The following NCEH1 variants were observed in gnomAD, a reference collection of about 807,000 sequenced individuals.
NCEH1 encodes neutral cholesterol ester hydrolase 1, also known as 2-acetyl MAGE hydrolase.
Under a neutral mutation model 25.4 loss-of-function variants are expected in NCEH1, and 9 were observed. The observed-to-expected ratio is 0.35, with a 90% CI of 0.21 to 0.62. The LOEUF is 0.62. Ranked by LOEUF, NCEH1 falls within the 20% of genes least tolerant of loss-of-function variation. The pLI is 0.72. For synonymous variants in NCEH1, 200 were observed against 199.8 expected (o/e 1.00, Z -0.01); for missense variants, 412 against 501.1 (o/e 0.82, Z 1.70).
chr3:172,658,377 T>C (rs979504748), intron 1 of NCEH1, among the ~76,000 whole-genome samples: 12 of 152,236 alleles, frequency 7.9e-5, no homozygotes, highest in Non-Finnish European at 1.0e-4. Flanking sequence ...CCTGTACCTG[T>C]CCTTCTTCCC....
intron 3 of NCEH1, among the ~76,000 whole-genome samples, chr3:172,642,898 G>C (rs1411403964): frequency 6.6e-6 from 1 of 152,140 alleles, no homozygotes. Flanking sequence ...CGTGATTTCT[G>C]TTTCCAGGAG....
chr3:172,696,205 C>T (rs768230698), intron 1 of NCEH1, among the ~76,000 whole-genome samples: 5 of 152,062 alleles, frequency 3.3e-5, no homozygotes, highest in South Asian at 2.1e-4. Context: ...GAAACTAACA[C>T]AGATGTTAAA....
chr3:172,650,366 G>A (rs1380896848), intron 1 of NCEH1, among the ~76,000 whole-genome samples: 6 of 152,036 alleles, frequency 3.9e-5, no homozygotes, highest in African/African-American at 1.4e-4. Context: ...AGCTGGGACC[G>A]GGTGCGGTGG....
At chr3:172,699,913 C>A (rs1481176267) in intron 1 of NCEH1, among the ~76,000 whole-genome samples, 1 of 152,150 alleles carries the variant, frequency 6.6e-6, no homozygotes, top group African/African-American at 2.4e-5. Flanking sequence ...ATAGCAGTCC[C>A]TGCTACTCTC....
intron 2 of NCEH1, among the ~76,000 whole-genome samples, chr3:172,647,021 G>GA (rs1158702509): frequency 6.6e-5 from 10 of 150,944 alleles, no homozygotes; most frequent in African/African-American, 1.2e-4. Flanking sequence ...TTGAAAATGT[G>GA]AAAAAAAATC....
At chr3:172,664,795 T>C (rs970023436) in intron 1 of NCEH1, among the ~76,000 whole-genome samples, 2 of 152,150 alleles carry the variant, frequency 1.3e-5, no homozygotes, top group Non-Finnish European at 2.9e-5. Context: ...CGTGCCATGG[T>C]TTTCAGCTCC....
intron 1 of NCEH1, among the ~76,000 whole-genome samples, chr3:172,649,745 AC>A (rs747194442): frequency 4.6e-5 from 7 of 152,262 alleles, no homozygotes; most frequent in Non-Finnish European, 8.8e-5. Flanking sequence ...ACCCTTGTTA[AC>A]ACCATTATCA....
intron 1 of NCEH1, among the ~76,000 whole-genome samples, chr3:172,664,810 G>C (rs887895321): frequency 1.3e-5 from 2 of 152,078 alleles, no homozygotes; most frequent in African/African-American, 4.8e-5. Flanking sequence ...AGCTCCATCA[G>C]GTCATTTAAG....
At chr3:172,690,057 C>T (rs898423584) in intron 1 of NCEH1, among the ~76,000 whole-genome samples, 19 of 151,768 alleles carry the variant, frequency 1.3e-4, no homozygotes, top group South Asian at 4.2e-4. Flanking sequence ...GCGCCCGCCA[C>T]CATGCCCGGC....
intron 1 of NCEH1, among the ~76,000 whole-genome samples, chr3:172,652,184 C>T (rs193059322): frequency 1.6e-4 from 25 of 152,314 alleles, no homozygotes; most frequent in Non-Finnish European, 3.2e-4. Flanking sequence ...GGCCTTAGAG[C>T]CCCAGGCTCC....
chr3:172,700,845 CA>C (rs1713639710), intron 1 of NCEH1, among the ~76,000 whole-genome samples: 1 of 151,560 alleles, frequency 6.6e-6, no homozygotes, highest in African/African-American at 2.4e-5. Context: ...ATGGAAATAA[CA>C]ATGGCAACCA....
At position 172,667,444 on chromosome 3, in the gene NCEH1, A is replaced by C. The variant is rs186995191; in HGVS notation, c.139-19330T>G. Among the ~76,000 whole-genome samples the C allele has an allele frequency of 4.6e-5, 7 of 152,322 alleles. No individual in the cohort carries two copies. The South Asian group carries it at 6.2e-4, about 14-fold the overall frequency. On this transcript the variant is annotated intron_variant, in intron 1 of 4. Coordinates refer to ENST00000475381, the MANE Select transcript of NCEH1 (RefSeq NM_020792.6). Reference sequence around the variant, plus strand: ...TTTTGGGGAGCCAGGCAGATCACACAGGTTTAGGAAGTCAAAGGGAAATCA... The same window carrying C: ...TTTTGGGGAGCCAGGCAGATCACACCGGTTTAGGAAGTCAAAGGGAAATCA...
intron 1 of NCEH1, among the ~76,000 whole-genome samples, chr3:172,689,909 A>T (rs796907845): frequency 0.019 from 2,673 of 140,828 alleles, 28 homozygotes; most frequent in South Asian, 0.038. Context: ...TTATTTATTT[A>T]TTTTTTTTTT....
chr3:172,702,993 A>C (rs1713781653), intron 1 of NCEH1: 1 of 152,152 alleles, frequency 6.6e-6, no homozygotes, highest in Non-Finnish European at 1.5e-5. Context: ...CCTTGTCTGT[A>C]AGAAAAAAAT....
intron 1 of NCEH1, among the ~76,000 whole-genome samples, chr3:172,649,587 CAACTT>C (rs1717300163): frequency 6.6e-6 from 1 of 152,226 alleles, no homozygotes; most frequent in African/African-American, 2.4e-5. Flanking sequence ...TTCTAACTAT[CAACTT>C]AAGTTCTTTG....
intron 1 of NCEH1, 76 bp downstream of exon 1, chr3:172,710,771 G>A: frequency 2.0e-6 from 3 of 1,536,968 alleles, no homozygotes; most frequent in South Asian, 2.3e-5. Context: ...CGTGGAACCC[G>A]GCGGAGGAAT....
intron 1 of NCEH1, among the ~76,000 whole-genome samples, chr3:172,693,035 CT>C (rs1397066704): frequency 5.3e-5 from 8 of 152,212 alleles, no homozygotes; most frequent in Admixed American, 1.3e-4. Flanking sequence ...GTTCCTCAGA[CT>C]TACAGGGGCT....
chr3:172,650,440 G>A (rs989901582), intron 1 of NCEH1, among the ~76,000 whole-genome samples: 19 of 151,676 alleles, frequency 1.3e-4, no homozygotes, highest in African/African-American at 3.6e-4. Context: ...TCAGGAGATC[G>A]AGACCATCCT....
chr3:172,658,057 A>AGGAGGTCAGCACAAAAC (rs1369862011), intron 1 of NCEH1, among the ~76,000 whole-genome samples: 1 of 152,188 alleles, frequency 6.6e-6, no homozygotes, highest in African/African-American at 2.4e-5. Flanking sequence ...AGGATGAGAC[A>AGGAGGTCAGCACAAAAC]GGAGGTCAGC....
Sources: gnomAD v4.1 joint callset for allele counts (sites outside exome capture counted in the v4.1 genomes callset) on GRCh38, gnomAD v4.1.1 for gene constraint, MANE v1.5 for transcripts, NCBI Gene and HGNC (gene_info 2026-07-23, HGNC 2026-07-21) for gene names.